PITPNC1: variants seen among roughly 807,000 people sequenced by gnomAD.
The protein encoded by PITPNC1 is cytoplasmic phosphatidylinositol transfer protein 1.
Under a neutral mutation model 44.7 loss-of-function variants are expected in PITPNC1, and 18 were observed. The ratio of observed to expected loss-of-function variants is 0.40; its 90% CI spans 0.28 to 0.60. The LOEUF is 0.60. PITPNC1 is among the 20% of genes least tolerant of loss of function. PITPNC1 has a pLI of 0.39. For missense variants in PITPNC1, 290 were observed against 418.4 expected (o/e 0.69, Z 2.68); for synonymous variants, 141 against 149.6 (o/e 0.94, Z 0.42).
At chr17:67,617,263 C>T (rs1025204263) in intron 5 of PITPNC1, among the ~76,000 whole-genome samples, 12 of 152,132 alleles carry the variant, frequency 7.9e-5, no homozygotes, top group African/African-American at 2.2e-4. Context: ...CCCAGCACTT[C>T]GGGAGGCCGA....
intron 8 of PITPNC1, among the ~76,000 whole-genome samples, chr17:67,678,298 C>T (rs1025529945): frequency 1.3e-5 from 2 of 152,034 alleles, no homozygotes; most frequent in Non-Finnish European, 2.9e-5. Flanking sequence ...GAGATCTCCC[C>T]GAATCTGGAG....
chr17:67,555,128 AG>A (rs912940781), intron 4 of PITPNC1, among the ~76,000 whole-genome samples: 4 of 152,228 alleles, frequency 2.6e-5, no homozygotes, highest in Non-Finnish European at 5.9e-5. Context: ...TTTTAGAAGC[AG>A]GGGAACCTTT....
chr17:67,691,785 C>T (rs1212987233), intron 8 of PITPNC1, among the ~76,000 whole-genome samples: 12 of 152,134 alleles, frequency 7.9e-5, no homozygotes, highest in Admixed American at 7.9e-4. Flanking sequence ...GCAGGCGGAT[C>T]ACTTGAGGTG....
At chr17:67,413,173 A>G (rs980028173) in intron 1 of PITPNC1, among the ~76,000 whole-genome samples, 2 of 152,214 alleles carry the variant, frequency 1.3e-5, no homozygotes, top group Non-Finnish European at 2.9e-5. Context: ...CTGCTTGCTC[A>G]TAAGAATGAC....
chr17:67,663,189 C>G (rs2042373303), intron 6 of PITPNC1, among the ~76,000 whole-genome samples: 3 of 152,132 alleles, frequency 2.0e-5, no homozygotes, highest in African/African-American at 7.2e-5. Context: ...GTATCTGATA[C>G]AGGCAAGCCC....
intron 1 of PITPNC1, among the ~76,000 whole-genome samples, chr17:67,497,725 G>A (rs112448863): frequency 0.013 from 1,951 of 151,386 alleles, 26 homozygotes; most frequent in Middle Eastern, 0.048. Context: ...ACATGGTTTC[G>A]CTATGTTTTC....
chr17:67,426,629 G>A lies in PITPNC1; in HGVS notation c.48+48427G>A, dbSNP rs1225553614. 5.3e-5 allele frequency among the ~76,000 whole-genome samples: 8 copies of A among 151,842 alleles called. No homozygotes were observed. In the East Asian group the frequency reaches 1.4e-3, roughly 26 times the overall value. ...GTTGGAGGGTGGGGGGCGAGGGGAG[G>A]GATTTAGAGGATGGATCAATAGGTG... On this transcript the variant is annotated intron_variant, in intron 1 of 8. Transcript: ENST00000581322.
chr17:67,611,938 A>G (rs2041692462), intron 5 of PITPNC1: 1 of 152,250 alleles, frequency 6.6e-6, no homozygotes, highest in African/African-American at 2.4e-5. Context: ...ACAACAGCGA[A>G]GACAAGCCAC....
At position 67,632,028 on chromosome 17, in the gene PITPNC1, G is replaced by A. The variant is rs1027433598; in HGVS notation, c.367-115G>A. ...CATTCTGAGGCTGGTGAAAGCACTA[G>A]CCGGGGGCCCTGAGACGTGTGAAGA... On this transcript the variant is annotated intron_variant, in intron 5 of 8. Coordinates refer to ENST00000581322, the MANE Select transcript of PITPNC1 (RefSeq NM_012417.4). 34 of 649,352 alleles carry A rather than the reference G, an allele frequency of 5.2e-5. No individual in the cohort carries two copies. The African/African-American group carries it at 5.8e-4, about 11-fold the overall frequency. The allele number at this position is 649,352 out of a possible 1,614,324, so 40.2% of individuals were successfully genotyped here. A position where few individuals can be genotyped will look rare whatever the true frequency, so the allele number is the denominator to read the frequency against.
chr17:67,656,681 G>A (rs1224782071), intron 6 of PITPNC1, among the ~76,000 whole-genome samples: 3 of 152,112 alleles, frequency 2.0e-5, no homozygotes, highest in African/African-American at 7.2e-5. Context: ...GCCTTATGAC[G>A]TTTTATAATT....
chr17:67,491,356 A>G (rs2039862566), intron 1 of PITPNC1, among the ~76,000 whole-genome samples: 1 of 152,220 alleles, frequency 6.6e-6, no homozygotes, highest in Admixed American at 6.5e-5. Flanking sequence ...CGGGCCGTTC[A>G]TTAAGAAATG....
At chr17:67,470,034 T>G (rs2039494680) in intron 1 of PITPNC1, among the ~76,000 whole-genome samples, 1 of 152,130 alleles carries the variant, frequency 6.6e-6, no homozygotes, top group Admixed American at 6.6e-5. Context: ...GCGATTCTCC[T>G]GCCTCAGCCT....
chr17:67,453,286 G>T (rs1008274547), intron 1 of PITPNC1, among the ~76,000 whole-genome samples: 3 of 152,184 alleles, frequency 2.0e-5, no homozygotes, highest in Non-Finnish European at 2.9e-5. Flanking sequence ...TTTCTAAGTA[G>T]TATTAAACTT....
chr17:67,606,175 T>C (rs1439949571), intron 5 of PITPNC1, among the ~76,000 whole-genome samples: 1 of 152,190 alleles, frequency 6.6e-6, no homozygotes, highest in Admixed American at 6.5e-5. Flanking sequence ...TATTTCGTAG[T>C]TTGGTTGAAA....
chr17:67,610,933 A>G (rs1046642599), intron 5 of PITPNC1, among the ~76,000 whole-genome samples: 3 of 151,798 alleles, frequency 2.0e-5, no homozygotes, highest in South Asian at 2.1e-4. Flanking sequence ...AAAAAAAAAA[A>G]AAGAAAAAGA....
chr17:67,692,668 G>T lies in PITPNC1; in HGVS notation c.779G>T (p.Ser260Ile). 1.2e-6 allele frequency: 2 copies of T among 1,613,590 alleles called. No homozygotes were observed. The change falls in exon 9 of 9, where the codon AGC becomes ATC. Residue 260 changes from serine (S) to isoleucine (I), a missense_variant. Coordinates refer to ENST00000581322, the MANE Select transcript of PITPNC1 (RefSeq NM_012417.4). The part of the protein sequence containing the change: ...GIFPPAISIS[S>I]IPLLPSSVRS... ...TTCCCACCTGCAATTTCTATCTCCA[G>T]CATCCCCCTGCTGCCTTCTTCCGTC...
intron 1 of PITPNC1, among the ~76,000 whole-genome samples, chr17:67,381,744 G>A (rs1246796935): frequency 6.6e-6 from 1 of 152,178 alleles, no homozygotes; most frequent in Non-Finnish European, 1.5e-5. Context: ...GAGCCACCGC[G>A]CCCGGCCTAC....
chr17:67,419,553 C>T (rs1372568464), intron 1 of PITPNC1, among the ~76,000 whole-genome samples: 4 of 152,044 alleles, frequency 2.6e-5, no homozygotes, highest in East Asian at 1.9e-4. Context: ...AGGAAAATTC[C>T]GAGAAAGGGA....
intron 1 of PITPNC1, among the ~76,000 whole-genome samples, chr17:67,386,328 G>A (rs2038051863): frequency 6.6e-6 from 1 of 152,168 alleles, no homozygotes; most frequent in Non-Finnish European, 1.5e-5. Flanking sequence ...GACTAGCTGG[G>A]ATTACAGGCG....
Sources: gnomAD v4.1 joint callset for allele counts (sites outside exome capture counted in the v4.1 genomes callset) on GRCh38, gnomAD v4.1.1 for gene constraint, MANE v1.5 for transcripts, NCBI Gene and HGNC (gene_info 2026-07-23, HGNC 2026-07-21) for gene names.